Variants in RPSA2 observed in about 807,000 individuals in gnomAD.
The protein encoded by RPSA2 is small ribosomal subunit protein uS2B.
chr19:23,770,465 T>C, the RPSA2 span, among the ~76,000 whole-genome samples: 1 of 152,262 alleles, frequency 6.6e-6, no homozygotes, highest in East Asian at 1.9e-4. Context: ...TTTATTTTTC[T>C]TGTTTCTGGC....
the RPSA2 span, among the ~76,000 whole-genome samples, chr19:23,796,210 A>G: frequency 6.6e-6 from 1 of 152,194 alleles, no homozygotes; most frequent in African/African-American, 2.4e-5. Flanking sequence ...TTCAGCATCT[A>G]TTGAGGTAAT....
chr19:23,845,661 T>C, the RPSA2 span, among the ~76,000 whole-genome samples: 1 of 152,202 alleles, frequency 6.6e-6, no homozygotes, highest in African/African-American at 2.4e-5. Flanking sequence ...CTAGCTATTT[T>C]TAAATTTTTT....
the RPSA2 span, among the ~76,000 whole-genome samples, chr19:23,864,443 C>T: frequency 6.6e-6 from 1 of 152,044 alleles, no homozygotes; most frequent in Non-Finnish European, 1.5e-5. Context: ...ATACCCATAC[C>T]CCAAAGCATA....
chr19:23,805,759 C>G, the RPSA2 span, among the ~76,000 whole-genome samples: 1 of 152,102 alleles, frequency 6.6e-6, no homozygotes, highest in Non-Finnish European at 1.5e-5. Flanking sequence ...TTAGTATGTG[C>G]AAATCTTTAC....
the RPSA2 span, among the ~76,000 whole-genome samples, chr19:23,861,116 C>T: frequency 6.6e-6 from 1 of 152,154 alleles, no homozygotes; most frequent in African/African-American, 2.4e-5. Flanking sequence ...CAACTGTTGC[C>T]CTTACTTCAC....
At chr19:23,836,380 C>T in the RPSA2 span, among the ~76,000 whole-genome samples, 2 of 152,046 alleles carry the variant, frequency 1.3e-5, no homozygotes, top group South Asian at 4.1e-4. Context: ...CAGACACACA[C>T]ACACACACAC....
the RPSA2 span, among the ~76,000 whole-genome samples, chr19:23,866,785 G>C: frequency 2.0e-5 from 3 of 152,146 alleles, no homozygotes; most frequent in Non-Finnish European, 4.4e-5. Context: ...CCCCACCAGA[G>C]ATAGAATTAC....
the RPSA2 span, among the ~76,000 whole-genome samples, chr19:23,793,696 G>T: frequency 6.6e-6 from 1 of 152,012 alleles, no homozygotes; most frequent in African/African-American, 2.4e-5. Flanking sequence ...CTGAATAGCT[G>T]CTATTACAGG....
chr19:23,823,332 C>G, the RPSA2 span, among the ~76,000 whole-genome samples: 1 of 152,126 alleles, frequency 6.6e-6, no homozygotes, highest in South Asian at 2.1e-4. Context: ...CAGGAGTTTT[C>G]AGACACTGCT....
the RPSA2 span, among the ~76,000 whole-genome samples, chr19:23,790,210 G>A: frequency 1.5e-4 from 23 of 152,164 alleles, no homozygotes; most frequent in African/African-American, 4.8e-4. Flanking sequence ...CCTTTGTCAG[G>A]CTGGCTTGGC....
chr19:23,760,789 TG>T, the RPSA2 span, among the ~76,000 whole-genome samples: 1 of 150,890 alleles, frequency 6.6e-6, no homozygotes, highest in East Asian at 1.9e-4. Flanking sequence ...CTCAGCCTCC[TG>T]AATAATTGGG....
the RPSA2 span, among the ~76,000 whole-genome samples, chr19:23,863,530 C>T: frequency 7.1e-6 from 1 of 140,032 alleles, no homozygotes; most frequent in Admixed American, 7.6e-5. Flanking sequence ...CACCACTGTA[C>T]TCCAGTCTGG....
At chr19:23,850,140 C>G in the RPSA2 span, among the ~76,000 whole-genome samples, 3 of 151,406 alleles carry the variant, frequency 2.0e-5, no homozygotes, top group Non-Finnish European at 4.4e-5. Context: ...ATCTCTAGCT[C>G]CAGGCATCCA....
At chr19:23,821,003 A>G in the RPSA2 span, among the ~76,000 whole-genome samples, 2 of 152,212 alleles carry the variant, frequency 1.3e-5, no homozygotes, top group African/African-American at 4.8e-5. Context: ...CTATACAGCA[A>G]TGAAGAGGGC....
chr19:23,855,736 G>T, the RPSA2 span, among the ~76,000 whole-genome samples: 1 of 152,266 alleles, frequency 6.6e-6, no homozygotes, highest in East Asian at 1.9e-4. Context: ...GCATGAAGAA[G>T]GGTACAGAGA....
the RPSA2 span, among the ~76,000 whole-genome samples, chr19:23,803,149 C>G: frequency 6.6e-6 from 1 of 151,502 alleles, no homozygotes; most frequent in East Asian, 1.9e-4. Flanking sequence ...AAATACTCCC[C>G]AGTGGCACAA....
At chr19:23,861,164 G>A in the RPSA2 span, among the ~76,000 whole-genome samples, 1 of 152,132 alleles carries the variant, frequency 6.6e-6, no homozygotes. Flanking sequence ...GATCACCCCA[G>A]TGCAAATTCT....
the RPSA2 span, among the ~76,000 whole-genome samples, chr19:23,798,751 A>C: frequency 3.3e-5 from 5 of 152,334 alleles, no homozygotes; most frequent in African/African-American, 1.2e-4. Context: ...AATAGAGATA[A>C]TTATAAGTAA....
At chr19:23,758,632 A>G in the RPSA2 span, 2 of 1,537,032 alleles carry the variant, frequency 1.3e-6, no homozygotes, top group Non-Finnish European at 9.0e-7. Context: ...AAGTGGACTG[A>G]GGCCGCCTGG....
Sources: allele counts gnomAD v4.1 joint callset (sites outside exome capture counted in the v4.1 genomes callset), GRCh38; gene constraint gnomAD v4.1.1; transcripts MANE v1.5; gene names NCBI Gene and HGNC (gene_info 2026-07-23, HGNC 2026-07-21).